Variants in NETO1 observed in about 807,000 individuals in gnomAD.
The protein encoded by NETO1 is neuropilin and tolloid like 1, also known as neuropilin and tolloid-like protein 1.
NETO1 carries 26 observed loss-of-function variants against 61.3 expected under a neutral mutation model. The ratio of observed to expected loss-of-function variants is 0.42; its 90% CI spans 0.31 to 0.59. The LOEUF (loss-of-function observed/expected upper bound fraction) is 0.59, where lower values mean the gene tolerates loss of function less well. Among genes scored for constraint, NETO1 ranks in the 20% least tolerant of loss-of-function variants. NETO1 has a pLI of 0.12. For missense variants in NETO1, 531 were observed against 662.8 expected (o/e 0.80, Z 2.18); for synonymous variants, 225 against 225.8 (o/e 1.00, Z 0.03).
intron 4 of NETO1, among the ~76,000 whole-genome samples, chr18:72,846,737 G>A (rs937586235): frequency 2.0e-5 from 3 of 152,046 alleles, no homozygotes; most frequent in Non-Finnish European, 4.4e-5. Context: ...AAAAAAGCTA[G>A]AAATAATTTT....
chr18:72,840,641 T>C lies in NETO1; in HGVS notation c.469+18185A>G, dbSNP rs974643918. On this transcript the variant is annotated intron_variant, in intron 4 of 10. Transcript: ENST00000327305. The stretch of plus-strand genomic sequence containing the variant: ...TTTGCTCCAACAGGAAATTCAGAGA[T>C]TTTTTTTTTTAAAAAGAAAGAACTT... 9.3e-3 allele frequency among the ~76,000 whole-genome samples: 4 copies of C among 428 alleles called. No individual in the cohort carries two copies. In the Non-Finnish European group the frequency reaches 0.17, roughly 18 times the overall value. The allele number at this position is 428 out of a possible 152,430, so 0.3% of individuals were successfully genotyped here. A position where few individuals can be genotyped will look rare whatever the true frequency, so the allele number is the denominator to read the frequency against.
At chr18:72,822,886 T>C (rs2073247166) in intron 4 of NETO1, among the ~76,000 whole-genome samples, 1 of 152,198 alleles carries the variant, frequency 6.6e-6, no homozygotes, top group Admixed American at 6.5e-5. Flanking sequence ...CATGTGTGTA[T>C]ATGTTTATAT....
At chr18:72,766,932 A>G (rs2071184817) in intron 7 of NETO1, among the ~76,000 whole-genome samples, 1 of 152,196 alleles carries the variant, frequency 6.6e-6, no homozygotes, top group African/African-American at 2.4e-5. Flanking sequence ...CAATGTGTGT[A>G]GTTAGACATT....
chr18:72,829,338 T>A (rs2073496642), intron 4 of NETO1, among the ~76,000 whole-genome samples: 1 of 152,142 alleles, frequency 6.6e-6, no homozygotes, highest in Non-Finnish European at 1.5e-5. Context: ...AAAATCTCAA[T>A]CTTGATTTTC....
intron 10 of NETO1, 45 bp from the exon 11 acceptor site, chr18:72,748,209 G>A: frequency 1.0e-6 from 1 of 981,052 alleles, no homozygotes; most frequent in Non-Finnish European, 1.2e-6. Context: ...AATGAAAAAT[G>A]CATACAAATA....
chr18:72,853,933 AC>A (rs35637317), intron 4 of NETO1, among the ~76,000 whole-genome samples: 26,511 of 152,090 alleles, frequency 0.17, 2,940 homozygotes, highest in South Asian at 0.28. Flanking sequence ...AAATTTAGAA[AC>A]TTTCGAAATG....
chr18:72,862,154 A>G (rs1038310202), intron 3 of NETO1, among the ~76,000 whole-genome samples: 14 of 152,180 alleles, frequency 9.2e-5, no homozygotes, highest in African/African-American at 3.1e-4. Context: ...TTAGATGAAG[A>G]CACCGGGGTG....
chr18:72,792,834 C>G (rs148567672), intron 6 of NETO1, among the ~76,000 whole-genome samples: 2 of 152,066 alleles, frequency 1.3e-5, no homozygotes, highest in East Asian at 3.9e-4. Context: ...CCTGAAAAAG[C>G]ATGCTCTCTT....
intron 4 of NETO1, among the ~76,000 whole-genome samples, chr18:72,831,579 A>G (rs908106786): frequency 1.3e-5 from 2 of 152,126 alleles, no homozygotes; most frequent in Non-Finnish European, 2.9e-5. Context: ...CTCATCAACA[A>G]TTCCACCCTC....
rs1229099110 is a variant in NETO1 at position 72,744,776 on chromosome 18, T to C, written c.*3403A>G. ...TATTATTTATTTCACTGACAAAACA[T>C]CAGTAAATTAATTGCCGCCACTTTA... On this transcript the variant is annotated 3_prime_UTR_variant, in exon 11 of 11. Transcript: ENST00000327305. 1 of 152,136 alleles carries C rather than the reference T, an allele frequency of 6.6e-6. No individual in the cohort carries two copies. The highest frequency in any genetic ancestry group is 2.4e-5 in the African/African-American group (1 of 41,428). The allele number at this position is 152,136 out of a possible 1,614,324, so 9.4% of individuals were successfully genotyped here.
At chr18:72,861,412 G>A (rs1458951700) in intron 3 of NETO1, among the ~76,000 whole-genome samples, 1 of 152,014 alleles carries the variant, frequency 6.6e-6, no homozygotes, top group African/African-American at 2.4e-5. Context: ...ACTATTTGAA[G>A]CTCTCTAACT....
chr18:72,780,047 C>T (rs2071685247), intron 7 of NETO1, among the ~76,000 whole-genome samples: 1 of 152,174 alleles, frequency 6.6e-6, no homozygotes, highest in Non-Finnish European at 1.5e-5. Flanking sequence ...AATCACCTCT[C>T]AAATGCCTCA....
intron 1 of NETO1, chr18:72,865,795 A>G (rs960798679): frequency 6.1e-5 from 69 of 1,124,452 alleles, no homozygotes; most frequent in Non-Finnish European, 7.6e-5. Flanking sequence ...ATTAAGCACC[A>G]TTATTGGAAT....
At chr18:72,840,031 A>G (rs1039071293) in intron 4 of NETO1, among the ~76,000 whole-genome samples, 1 of 152,184 alleles carries the variant, frequency 6.6e-6, no homozygotes, top group African/African-American at 2.4e-5. Context: ...AGCTTGTCTT[A>G]TAGTCTAGAA....
rs191174850 is a variant in NETO1 at position 72,806,774 on chromosome 18, G to A, written c.470-12370C>T. 1.2e-3 allele frequency among the ~76,000 whole-genome samples: 185 copies of A among 152,060 alleles called. 1 individual carries two copies. The highest frequency in any genetic ancestry group is 3.9e-3 in the African/African-American group (163 of 41,464). ...ACTGACTTCCATTTCTTAGACCTGC[G>A]ATCCATAATCAATCTTCACATCCAA... On this transcript the variant is annotated intron_variant, in intron 4 of 10. Coordinates refer to ENST00000327305, the MANE Select transcript of NETO1 (RefSeq NM_138966.5).
At chr18:72,804,757 A>G (rs1250201272) in intron 4 of NETO1, among the ~76,000 whole-genome samples, 1 of 152,194 alleles carries the variant, frequency 6.6e-6, no homozygotes, top group East Asian at 1.9e-4. Context: ...CTGATTATAA[A>G]AATCAGCTTT....
At chr18:72,808,375 G>C (rs1415139611) in intron 4 of NETO1, among the ~76,000 whole-genome samples, 1 of 151,534 alleles carries the variant, frequency 6.6e-6, no homozygotes, top group Admixed American at 6.6e-5. Context: ...GGAAAATGCT[G>C]TCTCTGCTAC....
intron 4 of NETO1, among the ~76,000 whole-genome samples, chr18:72,842,322 GA>G (rs1451462808): frequency 6.6e-6 from 1 of 152,068 alleles, no homozygotes; most frequent in Non-Finnish European, 1.5e-5. Flanking sequence ...TGACAACAAA[GA>G]ATATTATTGT....
chr18:72,835,618 T>C (rs77710354), intron 4 of NETO1, among the ~76,000 whole-genome samples: 2,015 of 152,276 alleles, frequency 0.013, 59 homozygotes, highest in East Asian at 0.096. Context: ...CTACGGTTTA[T>C]TGTTTGGTGA....
Sources: gnomAD v4.1 joint callset for allele counts (sites outside exome capture counted in the v4.1 genomes callset) on GRCh38, gnomAD v4.1.1 for gene constraint, MANE v1.5 for transcripts, NCBI Gene and HGNC (gene_info 2026-07-23, HGNC 2026-07-21) for gene names.